COL24A1: variants seen among roughly 807,000 people sequenced by gnomAD.
COL24A1 encodes collagen type XXIV alpha 1 chain, also known as collagen alpha-1(XXIV) chain.
COL24A1 carries 224 observed loss-of-function variants against 253.9 expected under a neutral mutation model. The ratio of observed to expected loss-of-function variants is 0.88; its 90% CI spans 0.79 to 0.99. The LOEUF (loss-of-function observed/expected upper bound fraction) is 0.99, where lower values mean the gene tolerates loss of function less well. Among genes scored for constraint, COL24A1 ranks in the 50% least tolerant of loss-of-function variants. The pLI is 0.00. For synonymous variants in COL24A1, 685 were observed against 673.7 expected (o/e 1.02, Z -0.26); for missense variants, 2,131 against 2,068.5 (o/e 1.03, Z -0.59).
chr1:86,056,428 C>T (rs887491908), intron 10 of COL24A1, among the ~76,000 whole-genome samples: 1 of 152,296 alleles, frequency 6.6e-6, no homozygotes, highest in South Asian at 2.1e-4. Context: ...TGTTCTCCTA[C>T]ATCACAGGGC....
chr1:85,890,428 A>G (rs1682998564), intron 31 of COL24A1, among the ~76,000 whole-genome samples: 1 of 145,880 alleles, frequency 6.9e-6, no homozygotes, highest in South Asian at 2.2e-4. Context: ...TTTTTTTTAG[A>G]ACAGCATTCT....
At chr1:85,810,895 A>T (rs528054322) in intron 47 of COL24A1, among the ~76,000 whole-genome samples, 181 of 152,272 alleles carry the variant, frequency 1.2e-3, no homozygotes, top group African/African-American at 4.2e-3. Context: ...ATAGCAATGC[A>T]AGAACACCCT....
intron 2 of COL24A1, among the ~76,000 whole-genome samples, chr1:86,134,717 T>C (rs74617453): frequency 0.91 from 31,960 of 35,266 alleles, 15,060 homozygotes; most frequent in Non-Finnish European, 1. Flanking sequence ...TGAGAGACAA[T>C]TTGTTATAAT....
At chr1:85,987,532 C>A in intron 20 of COL24A1, 69 bp downstream of exon 20, 1 of 1,293,138 alleles carries the variant, frequency 7.7e-7, no homozygotes. Flanking sequence ...AATATTTTTC[C>A]CATTTATTGA....
At chr1:86,012,620 A>G (rs78716972) in intron 19 of COL24A1, among the ~76,000 whole-genome samples, 47,190 of 151,674 alleles carry the variant, frequency 0.31, 7,824 homozygotes, top group Middle Eastern at 0.51. Flanking sequence ...ATAAAAAATC[A>G]TGTCCCTACT....
At chr1:86,087,705 GAT>G (rs1703171906) in intron 7 of COL24A1, among the ~76,000 whole-genome samples, 1 of 152,202 alleles carries the variant, frequency 6.6e-6, no homozygotes. Context: ...CTTCTTTGAT[GAT>G]ATATGTCAGT....
At chr1:86,069,878 A>G (rs750040216) in intron 7 of COL24A1, among the ~76,000 whole-genome samples, 11 of 152,214 alleles carry the variant, frequency 7.2e-5, no homozygotes, top group Non-Finnish European at 1.5e-4. Flanking sequence ...AGCCCAGACT[A>G]TGAAGACTAC....
In COL24A1 at chr1:85,992,538, G is replaced by A. The variant is rs148440635; in HGVS notation, c.2311-4884C>T. Among the ~76,000 whole-genome samples, 756 of 151,984 alleles carry A rather than the reference G, an allele frequency of 5.0e-3. 7 individuals carry two copies. The highest frequency in any genetic ancestry group is 0.017 in the African/African-American group (725 of 41,470). On this transcript the variant is annotated intron_variant, in intron 19 of 59. Coordinates refer to ENST00000370571, the MANE Select transcript of COL24A1 (RefSeq NM_152890.7). ...CCTTTTTTTTAAACACACTCAAAAT[G>A]TACATCAAATAACATGGACATCTTT...
chr1:86,053,791 C>T (rs540273504), intron 10 of COL24A1, among the ~76,000 whole-genome samples: 33 of 152,072 alleles, frequency 2.2e-4, no homozygotes, highest in African/African-American at 6.3e-4. Flanking sequence ...CCAAAAAATA[C>T]CAACAAATAA....
chr1:85,741,445 T>C (rs181644923), intron 57 of COL24A1, among the ~76,000 whole-genome samples: 82 of 152,304 alleles, frequency 5.4e-4, no homozygotes, highest in Admixed American at 4.5e-3. Flanking sequence ...AAGTTCAAAG[T>C]TTGGGATTTT....
intron 2 of COL24A1, among the ~76,000 whole-genome samples, chr1:86,132,662 G>T (rs1290888420): frequency 6.6e-6 from 1 of 152,180 alleles, no homozygotes; most frequent in Non-Finnish European, 1.5e-5. Context: ...ATTTGTTAAA[G>T]ATCAGACAGT....
At chr1:86,120,463 C>T (rs576730732) in intron 3 of COL24A1, among the ~76,000 whole-genome samples, 2 of 152,262 alleles carry the variant, frequency 1.3e-5, no homozygotes, top group East Asian at 3.9e-4. Context: ...CAAACAACCC[C>T]ATCAAAAAGT....
intron 7 of COL24A1, among the ~76,000 whole-genome samples, chr1:86,084,374 C>A (rs1702889846): frequency 6.6e-6 from 1 of 152,148 alleles, no homozygotes; most frequent in African/African-American, 2.4e-5. Flanking sequence ...AGGATGAATA[C>A]AACACAAACC....
intron 1 of COL24A1, among the ~76,000 whole-genome samples, chr1:86,152,772 G>T (rs963557069): frequency 2.0e-5 from 3 of 152,170 alleles, no homozygotes; most frequent in African/African-American, 7.2e-5. Context: ...GCTTAGTAAA[G>T]TTCCTGGCAC....
At chr1:86,134,355 C>G (rs1204838556) in intron 2 of COL24A1, among the ~76,000 whole-genome samples, 3 of 151,834 alleles carry the variant, frequency 2.0e-5, no homozygotes, top group Non-Finnish European at 4.4e-5. Context: ...TCCTTCAGTT[C>G]TTCTCTGATC....
At chr1:85,982,564 C>T (rs187180136) in intron 20 of COL24A1, among the ~76,000 whole-genome samples, 23 of 151,586 alleles carry the variant, frequency 1.5e-4, no homozygotes, top group Admixed American at 1.1e-3. Flanking sequence ...TCTCATCCCT[C>T]GGCTCCACTT....
intron 19 of COL24A1, among the ~76,000 whole-genome samples, chr1:85,997,141 T>C (rs1384909115): frequency 1.3e-5 from 2 of 149,898 alleles, no homozygotes; most frequent in Non-Finnish European, 3.0e-5. Context: ...CATCTTACCC[T>C]GAGAACTTGG....
At chr1:86,033,752 T>G in intron 13 of COL24A1, 118 bp downstream of exon 13, 9 of 877,806 alleles carry the variant, frequency 1.0e-5, no homozygotes, top group South Asian at 1.8e-5. Context: ...CACAGTGGTG[T>G]GGAGATTGTT....
intron 32 of COL24A1, among the ~76,000 whole-genome samples, chr1:85,885,371 T>TTG (rs770651153): frequency 0.16 from 20,684 of 130,814 alleles, 1,819 homozygotes; most frequent in Non-Finnish European, 0.2. Context: ...TGGCTAATTT[T>TTG]TGTGTGTATA....
Sources: gnomAD v4.1 joint callset for allele counts (sites outside exome capture counted in the v4.1 genomes callset) on GRCh38, gnomAD v4.1.1 for gene constraint, MANE v1.5 for transcripts, NCBI Gene and HGNC (gene_info 2026-07-23, HGNC 2026-07-21) for gene names.